Variants in EVL observed in about 807,000 individuals in gnomAD.
EVL encodes the protein ena/VASP-like protein.
A neutral mutation model predicts 59.6 loss-of-function variants in EVL; 21 were observed. That is an observed-to-expected ratio of 0.35 (90% CI 0.25 to 0.51). The LOEUF is 0.51. Among genes scored for constraint, EVL ranks in the 20% least tolerant of loss-of-function variants. EVL has a pLI of 0.97. For missense variants in EVL, 462 were observed against 546.6 expected, an observed-to-expected ratio of 0.85 and a Z score of 1.54; for synonymous variants, 198 against 203.5, an observed-to-expected ratio of 0.97 and a Z score of 0.23.
upstream of EVL, chr14:99,971,428 A>C (rs1366344759): frequency 2.0e-5 from 3 of 150,598 alleles, no homozygotes; most frequent in African/African-American, 4.9e-5. Context: ...CCTCAAGCTC[A>C]GCGCTCCCGG....
chr14:99,976,142 A>G (rs996784052), intron 1 of EVL, among the ~76,000 whole-genome samples: 9 of 152,088 alleles, frequency 5.9e-5, no homozygotes, highest in African/African-American at 2.2e-4. Flanking sequence ...TAGCCTCCCA[A>G]GTAGCTGCAG....
At chr14:99,981,039 G>A (rs994145848) in intron 1 of EVL, among the ~76,000 whole-genome samples, 16 of 151,514 alleles carry the variant, frequency 1.1e-4, no homozygotes, top group African/African-American at 1.7e-4. Flanking sequence ...GTTTGAGACC[G>A]GCGGCGGTGG....
intron 3 of EVL, among the ~76,000 whole-genome samples, chr14:100,101,213 G>A (rs573965154): frequency 4.6e-5 from 7 of 152,234 alleles, no homozygotes; most frequent in African/African-American, 1.4e-4. Context: ...GGCCGGGCGC[G>A]GTGGCTCACA....
At chr14:100,080,768 G>T (rs1401780961) in intron 1 of EVL, among the ~76,000 whole-genome samples, 1 of 152,104 alleles carries the variant, frequency 6.6e-6, no homozygotes, top group East Asian at 1.9e-4. Flanking sequence ...CACCAACCTG[G>T]TAACTTAACA....
At chr14:100,022,356 C>A (rs955617646) in intron 1 of EVL, among the ~76,000 whole-genome samples, 10 of 151,488 alleles carry the variant, frequency 6.6e-5, no homozygotes, top group African/African-American at 2.4e-4. Context: ...CAGCTCACTG[C>A]AACCTCTGCA....
At chr14:100,103,529 C>T (rs1411879369) in intron 3 of EVL, among the ~76,000 whole-genome samples, 1 of 152,122 alleles carries the variant, frequency 6.6e-6, no homozygotes, top group Non-Finnish European at 1.5e-5. Flanking sequence ...TCTCTTTATC[C>T]ATTTCCTCTT....
chr14:100,078,537 G>A (rs1043692083), intron 1 of EVL, among the ~76,000 whole-genome samples: 2 of 151,408 alleles, frequency 1.3e-5, no homozygotes, highest in South Asian at 4.2e-4. Context: ...CAGGGCCAGG[G>A]GCCAGGTTCC....
Position 100,048,743 on chromosome 14 carries a change from C to CA in EVL, c.6-35937dup, listed in dbSNP as rs546830401. On this transcript the variant is annotated intron_variant, in intron 1 of 13. Transcript: ENST00000402714. ...GTCCATACAACAGAACACTACTCTG[C>CA]AAAAAAACAAACAAAAAAAACACTA... 6.6e-5 allele frequency among the ~76,000 whole-genome samples: 10 copies of CA among 151,950 alleles called. No homozygotes were observed. The South Asian group carries it at 1.7e-3, about 25-fold the overall frequency.
At chr14:100,059,911 T>C (rs983445484) in intron 1 of EVL, among the ~76,000 whole-genome samples, 1 of 152,204 alleles carries the variant, frequency 6.6e-6, no homozygotes, top group African/African-American at 2.4e-5. Context: ...CAATGTATCA[T>C]ACAGTATCTA....
Position 100,039,237 on chromosome 14 carries a change from C to T in EVL, c.6-45450C>T, listed in dbSNP as rs149290203. Among the ~76,000 whole-genome samples the T allele has an allele frequency of 3.9e-5, 6 of 152,184 alleles. No individual in the cohort carries two copies. The East Asian group carries it at 1.2e-3, about 29-fold the overall frequency. ...AGTTAAAACAATCCTTGTTAGAGGC[C>T]ATTTATTTATTTATTTGAGACGGAG... is the stretch of plus-strand genomic sequence containing the variant. On this transcript the variant is annotated intron_variant, in intron 1 of 13. Transcript: ENST00000402714.
At chr14:100,022,419 A>G (rs2061142054) in intron 1 of EVL, among the ~76,000 whole-genome samples, 1 of 151,998 alleles carries the variant, frequency 6.6e-6, no homozygotes, top group South Asian at 2.1e-4. Flanking sequence ...CTGTGATTAC[A>G]GGCATGCACC....
intron 1 of EVL, among the ~76,000 whole-genome samples, chr14:100,002,334 GACA>G (rs1260586847): frequency 6.6e-6 from 1 of 152,066 alleles, no homozygotes; most frequent in Admixed American, 6.6e-5. Flanking sequence ...ACCAAAAGGA[GACA>G]ACAATTGTCT....
intron 1 of EVL, among the ~76,000 whole-genome samples, chr14:100,015,937 G>T (rs2140196206): frequency 6.6e-6 from 1 of 152,074 alleles, no homozygotes; most frequent in Admixed American, 6.5e-5. Flanking sequence ...AAATTAGCCA[G>T]GCCTGGTGGT....
chr14:99,979,339 A>G (rs1015242528), intron 1 of EVL, among the ~76,000 whole-genome samples: 1 of 152,206 alleles, frequency 6.6e-6, no homozygotes, highest in Admixed American at 6.5e-5. Flanking sequence ...TCTTCTGTGA[A>G]CATTTTCCCT....
At chr14:99,991,950 A>T (rs1020812765) in intron 1 of EVL, among the ~76,000 whole-genome samples, 1 of 116,364 alleles carries the variant, frequency 8.6e-6, no homozygotes, top group African/African-American at 3.7e-5. Context: ...GCATTGTTTG[A>T]GGGTCAACTC....
upstream of EVL, chr14:99,971,437 G>T (rs1338133892): frequency 6.6e-6 from 1 of 151,670 alleles, no homozygotes; most frequent in Admixed American, 6.6e-5. Context: ...CAGCGCTCCC[G>T]GAGGCGCGGA....
At chr14:100,061,473 A>AC (rs2061832998), upstream of EVL, among the ~76,000 whole-genome samples, 1 of 150,294 alleles carries the variant, frequency 6.7e-6, no homozygotes, top group East Asian at 1.9e-4. Flanking sequence ...AAAAAAAAAA[A>AC]AAAAAAAAGA....
Position 100,108,762 on chromosome 14 carries a change from C to G in EVL, c.358+11104C>G, listed in dbSNP as rs1301445586. ...TGGAGCCTTTCCCAGCCGCCCCGCT[C>G]CCTGTGACTTTGCACTCCCTCCTGC... On this transcript the variant is annotated intron_variant, in intron 3 of 13. Transcript: ENST00000392920. This position sits in a 1 kb window ranked among gnomAD's most constrained non-coding sequence, Gnocchi z 4.1. 6.6e-6 allele frequency among the ~76,000 whole-genome samples: 1 copy of G among 152,218 alleles called. No homozygotes were observed. Among genetic ancestry groups the G allele is most frequent in the African/African-American group, 2.4e-5 (1 of 41,442 alleles).
At chr14:100,022,035 G>A (rs2061133740) in intron 1 of EVL, among the ~76,000 whole-genome samples, 1 of 152,036 alleles carries the variant, frequency 6.6e-6, no homozygotes, top group African/African-American at 2.4e-5. Context: ...ATCTTTCTTA[G>A]TGTCAGCTGA....
Sources: allele counts gnomAD v4.1 joint callset (sites outside exome capture counted in the v4.1 genomes callset), GRCh38; gene constraint gnomAD v4.1.1; non-coding constraint Gnocchi (gnomAD v3.1); transcripts MANE v1.5; gene names NCBI Gene and HGNC (gene_info 2026-07-23, HGNC 2026-07-21).